Variants in RBFOX1 observed in about 807,000 individuals in gnomAD.
RBFOX1 encodes RNA binding protein fox-1 homolog 1.
In RBFOX1, 8 loss-of-function variants were observed where a neutral mutation model predicts 57.7. That is an observed-to-expected ratio of 0.14 (90% CI 0.08 to 0.25). The LOEUF (loss-of-function observed/expected upper bound fraction) is 0.25. Ranked by LOEUF, RBFOX1 falls within the 10% of genes least tolerant of loss-of-function variation. The probability of loss-of-function intolerance (pLI) is 1.00; values close to 1 mark genes in which losing one functional copy is unlikely to be tolerated. For synonymous variants in RBFOX1, 326 were observed against 222.4 expected (o/e 1.47, Z -4.15); for missense variants, 611 against 548.5 (o/e 1.11, Z -1.14).
intron 4 of RBFOX1, among the ~76,000 whole-genome samples, chr16:7,194,911 A>G (rs12325301): frequency 0.59 from 85,616 of 144,390 alleles, 25,153 homozygotes; most frequent in Middle Eastern, 0.64. Flanking sequence ...TTGGGCTACA[A>G]AATGAGACCC....
At chr16:7,168,464 C>G (rs560730412) in intron 4 of RBFOX1, among the ~76,000 whole-genome samples, 1 of 152,170 alleles carries the variant, frequency 6.6e-6, no homozygotes, top group Non-Finnish European at 1.5e-5. Context: ...CATTGGCGAG[C>G]TCAAAGAGGT....
chr16:6,934,644 GA>G (rs1181514568), intron 3 of RBFOX1, among the ~76,000 whole-genome samples: 2 of 152,192 alleles, frequency 1.3e-5, no homozygotes, highest in Non-Finnish European at 2.9e-5. Flanking sequence ...CTCAAGCACA[GA>G]AAGACAAGTA....
chr16:5,759,929 C>T (rs1021699338), intron 3 of RBFOX1, among the ~76,000 whole-genome samples: 1 of 151,794 alleles, frequency 6.6e-6, no homozygotes, highest in Non-Finnish European at 1.5e-5. Context: ...TCCACATCCC[C>T]TTTTGTGCGT....
chr16:7,283,342 A>G (rs1267126076), intron 4 of RBFOX1, among the ~76,000 whole-genome samples: 2 of 151,970 alleles, frequency 1.3e-5, no homozygotes, highest in Non-Finnish European at 2.9e-5. Flanking sequence ...CCAATCCAGC[A>G]TTCCTGACAG....
At chr16:6,080,366 CA>C (rs2152505274) in intron 1 of RBFOX1, among the ~76,000 whole-genome samples, 1 of 152,278 alleles carries the variant, frequency 6.6e-6, no homozygotes, top group East Asian at 1.9e-4. Context: ...CACCTAAGTT[CA>C]GCCAGTGTGT....
intron 3 of RBFOX1, among the ~76,000 whole-genome samples, chr16:5,856,183 C>CTATA (rs1299997922): frequency 6.3e-3 from 289 of 45,828 alleles, no homozygotes; most frequent in Non-Finnish European, 8.4e-3. Context: ...CTCTCTCTCT[C>CTATA]TCTCTATATA....
At chr16:6,400,215 T>C (rs1476694555) in intron 2 of RBFOX1, among the ~76,000 whole-genome samples, 1 of 152,102 alleles carries the variant, frequency 6.6e-6, no homozygotes, top group Non-Finnish European at 1.5e-5. Flanking sequence ...GTATGAAATC[T>C]TAATGCATTT....
intron 3 of RBFOX1, among the ~76,000 whole-genome samples, chr16:6,916,166 C>A (rs1229646540): frequency 6.6e-6 from 1 of 152,022 alleles, no homozygotes; most frequent in Admixed American, 6.6e-5. Context: ...AAAGTTGACA[C>A]GTTGTTATGC....
rs920110885 is a variant in RBFOX1, at chr16:6,137,655, C to A, written c.-127+117663C>A. Among the ~76,000 whole-genome samples, 17 of 142,018 alleles carry A rather than the reference C, an allele frequency of 1.2e-4. 1 individual carries two copies. The highest frequency in any genetic ancestry group is 9.0e-5 in the Non-Finnish European group (6 of 66,604). The allele number at this position is 142,018 out of a possible 152,430, so 93.2% of individuals were successfully genotyped here. The stretch of plus-strand genomic sequence containing the variant: ...TTTTGACAGGGTCTGACTCTGTTGC[C>A]CAGACTAGAGTGAAGTGACACAATC... On this transcript the variant is annotated intron_variant, in intron 1 of 15. Transcript: ENST00000550418.
At chr16:7,333,642 C>T (rs2096732444) in intron 4 of RBFOX1, among the ~76,000 whole-genome samples, 2 of 152,102 alleles carry the variant, frequency 1.3e-5, no homozygotes. Context: ...TCTAGGAATC[C>T]CTTGCCAGAT....
intron 2 of RBFOX1, 106 bp from the exon 3 acceptor site, chr16:6,654,497 C>T (rs1273532704): frequency 8.0e-6 from 7 of 879,096 alleles, no homozygotes; most frequent in Non-Finnish European, 1.0e-5. Context: ...AGCATGAGCT[C>T]TTTATTATTT....
In RBFOX1 at chr16:5,750,957, T is replaced by C. The variant is rs575998830; in HGVS notation, c.319-116346T>C. Among the ~76,000 whole-genome samples the C allele has an allele frequency of 1.9e-3, 287 of 152,312 alleles. 2 individuals are homozygous for C. Among genetic ancestry groups the C allele is most frequent in the African/African-American group, 6.7e-3 (277 of 41,568 alleles). On this transcript the variant is annotated intron_variant, in intron 3 of 19. Coordinates refer to the RBFOX1 transcript ENST00000641259. ...TACCTGTCTTCTGCGTTGCTCACGCTGGGAGCTGTAGACTGGAGCTGTTCC... is the reference window on the plus strand; with the variant it reads ...TACCTGTCTTCTGCGTTGCTCACGCCGGGAGCTGTAGACTGGAGCTGTTCC...
chr16:5,616,618 C>G (rs1415357447), intron 3 of RBFOX1, among the ~76,000 whole-genome samples: 2 of 147,048 alleles, frequency 1.4e-5, no homozygotes, highest in East Asian at 2.0e-4. Context: ...CCTCTCTCTT[C>G]TCTCTCTCCC....
intron 3 of RBFOX1, among the ~76,000 whole-genome samples, chr16:6,965,223 A>G (rs1485258299): frequency 1.3e-5 from 2 of 152,064 alleles, no homozygotes; most frequent in East Asian, 1.9e-4. Flanking sequence ...TGAAAAGGAA[A>G]GCATTGCTTT....
intron 2 of RBFOX1, among the ~76,000 whole-genome samples, chr16:6,621,422 C>G (rs111827253): frequency 1.3e-5 from 2 of 152,308 alleles, no homozygotes; most frequent in African/African-American, 4.8e-5. Context: ...CAAGATTGCG[C>G]CACTGCGCTC....
At chr16:7,000,102 G>A (rs1057143524) in intron 3 of RBFOX1, among the ~76,000 whole-genome samples, 1 of 150,682 alleles carries the variant, frequency 6.6e-6, no homozygotes, top group African/African-American at 2.4e-5. Flanking sequence ...TATTTAAGTA[G>A]GTGTCCAAAC....
intron 2 of RBFOX1, among the ~76,000 whole-genome samples, chr16:5,597,833 G>A (rs2047237461): frequency 1.3e-5 from 2 of 152,296 alleles, no homozygotes; most frequent in South Asian, 4.1e-4. Context: ...CCCAGTGTTT[G>A]CAGTAGGCAT....
intron 3 of RBFOX1, among the ~76,000 whole-genome samples, chr16:7,026,268 T>C (rs1397969238): frequency 1.3e-5 from 2 of 152,184 alleles, no homozygotes; most frequent in Non-Finnish European, 2.9e-5. Flanking sequence ...TTCCTGCTCC[T>C]GACTTGGAGG....
rs28593657 is a variant in RBFOX1, at chr16:5,634,733, T to C, written c.318+35772T>C. Among the ~76,000 whole-genome samples, 752 of 152,302 alleles carry C rather than the reference T, an allele frequency of 4.9e-3. 7 individuals are homozygous for C. Among genetic ancestry groups the C allele is most frequent in the African/African-American group, 0.017 (716 of 41,548 alleles). The stretch of plus-strand genomic sequence containing the variant: ...CCAGGAGTCAGGGCCCACCAGCGTA[T>C]TCTCTCCATTTCTCTTTCATTTCTG... On this transcript the variant is annotated intron_variant, in intron 3 of 19. Transcript: ENST00000641259.
Sources: allele counts gnomAD v4.1 joint callset (sites outside exome capture counted in the v4.1 genomes callset), GRCh38; gene constraint gnomAD v4.1.1; transcripts MANE v1.5; gene names NCBI Gene and HGNC (gene_info 2026-07-23, HGNC 2026-07-21).